RAB38: variants seen among roughly 807,000 people sequenced by gnomAD.
RAB38 encodes RAB38, member RAS oncogene family.
In RAB38, 15 loss-of-function variants were observed where a neutral mutation model predicts 18.4. The observed-to-expected ratio is 0.82, with a 90% CI of 0.55 to 1.26. RAB38 has a LOEUF of 1.26. Ranked by LOEUF, RAB38 falls within the 50% of genes most tolerant of loss-of-function variation. The pLI is 0.00. For missense variants in RAB38, 294 were observed against 267.4 expected (o/e 1.10, Z -0.69); for synonymous variants, 101 against 104.4 (o/e 0.97, Z 0.20).
chr11:87,911,311 A>T, the RAB38 span, among the ~76,000 whole-genome samples: 1 of 152,088 alleles, frequency 6.6e-6, no homozygotes, highest in Admixed American at 6.6e-5. Flanking sequence ...CAAGCTCTAT[A>T]AAAAGCCTAT....
At chr11:87,859,877 C>G in the RAB38 span, among the ~76,000 whole-genome samples, 5 of 152,026 alleles carry the variant, frequency 3.3e-5, no homozygotes. Flanking sequence ...TTGTAACAAG[C>G]TTACAGTCAG....
the RAB38 span, among the ~76,000 whole-genome samples, chr11:88,009,397 T>G: frequency 6.6e-6 from 1 of 152,160 alleles, no homozygotes; most frequent in Admixed American, 6.5e-5. Context: ...CAAAGGAAAA[T>G]ATCCCATCTA....
the RAB38 span, among the ~76,000 whole-genome samples, chr11:87,897,756 C>T: frequency 6.6e-5 from 10 of 151,622 alleles, no homozygotes; most frequent in Non-Finnish European, 1.3e-4. Context: ...GAATAGTTTC[C>T]TCTTCCACTT....
At chr11:87,918,197 A>C in the RAB38 span, among the ~76,000 whole-genome samples, 6,238 of 152,164 alleles carry the variant, frequency 0.041, 171 homozygotes, top group South Asian at 0.084. Context: ...GGGTTCATTC[A>C]TGTTGTCACA....
At chr11:87,830,683 T>G in the RAB38 span, among the ~76,000 whole-genome samples, 3 of 152,074 alleles carry the variant, frequency 2.0e-5, no homozygotes, top group Admixed American at 2.0e-4. Context: ...AGCATAAAAT[T>G]TAATATAGGA....
chr11:88,145,486 G>A lies in RAB38; in HGVS notation c.483+4189C>T, dbSNP rs1942973760. On this transcript the variant is annotated intron_variant, in intron 2 of 2. Transcript: ENST00000243662. ...TGTTCACAGTAGCTCTAGAAGGTGA[G>A]TGGGTGTGATTTTACAGAGTGAATT... Among the ~76,000 whole-genome samples the A allele has an allele frequency of 2.0e-5, 3 of 152,124 alleles. No homozygotes were observed. In the South Asian group the frequency reaches 6.2e-4, roughly 32 times the overall value.
At chr11:87,973,211 AGC>A in the RAB38 span, among the ~76,000 whole-genome samples, 1 of 152,118 alleles carries the variant, frequency 6.6e-6, no homozygotes, top group African/African-American at 2.4e-5. Context: ...TAAATAAACA[AGC>A]AAATGATCAT....
the RAB38 span, among the ~76,000 whole-genome samples, chr11:87,876,557 G>T: frequency 6.6e-6 from 1 of 151,554 alleles, no homozygotes; most frequent in Admixed American, 6.6e-5. Flanking sequence ...GGATTATGAA[G>T]ACAGGAGACT....
downstream of RAB38, among the ~76,000 whole-genome samples, chr11:88,112,646 T>C (rs1418116232): frequency 6.6e-6 from 1 of 152,002 alleles, no homozygotes; most frequent in Non-Finnish European, 1.5e-5. Flanking sequence ...TGGTGGCACA[T>C]GCCTGTAGTC....
At chr11:87,832,107 A>G in the RAB38 span, among the ~76,000 whole-genome samples, 1 of 152,188 alleles carries the variant, frequency 6.6e-6, no homozygotes, top group Non-Finnish European at 1.5e-5. Context: ...TTAAATGTTC[A>G]CTGCCTCATT....
the RAB38 span, among the ~76,000 whole-genome samples, chr11:87,950,773 T>C: frequency 2.6e-5 from 4 of 152,230 alleles, no homozygotes; most frequent in African/African-American, 9.6e-5. Context: ...TCTGATGGCC[T>C]TCCCTTTGTG....
intron 1 of RAB38, among the ~76,000 whole-genome samples, chr11:88,174,637 A>AAAAAAAAAAAAAC (rs1555014231): frequency 2.2e-5 from 3 of 133,668 alleles, no homozygotes; most frequent in Non-Finnish European, 3.2e-5. Flanking sequence ...AAAAAAAAAA[A>AAAAAAAAAAAAAC]AAAACAAAAC....
At chr11:87,910,705 A>G in the RAB38 span, among the ~76,000 whole-genome samples, 1 of 141,994 alleles carries the variant, frequency 7.0e-6, no homozygotes, top group Non-Finnish European at 1.5e-5. Context: ...CAGTGGCACT[A>G]TCTCGGCTTA....
the RAB38 span, among the ~76,000 whole-genome samples, chr11:87,952,151 T>C: frequency 6.6e-6 from 1 of 152,046 alleles, no homozygotes; most frequent in Non-Finnish European, 1.5e-5. Flanking sequence ...CAGGGATCCA[T>C]CGGGAGGGTG....
chr11:87,961,082 G>C, the RAB38 span, among the ~76,000 whole-genome samples: 1 of 152,112 alleles, frequency 6.6e-6, no homozygotes, highest in South Asian at 2.1e-4. Flanking sequence ...GTGCCTATTA[G>C]AATAAAATAA....
chr11:87,882,018 C>A, the RAB38 span, among the ~76,000 whole-genome samples: 2 of 151,814 alleles, frequency 1.3e-5, no homozygotes, highest in Non-Finnish European at 2.9e-5. Context: ...TAATCTCCCC[C>A]CTTTAGCACA....
chr11:88,175,225 C>T lies in RAB38; in HGVS notation c.160G>A (p.Asp54Asn), dbSNP rs774703815. The T allele has an allele frequency of 6.2e-7, 1 of 1,613,776 alleles. No homozygotes were observed. The part of the protein sequence containing the change: ...VDFALKVLHW[D>N]PETVVRLQLW... ...TGCAGGCGCACCACAGTCTCCGGGT[C>T]CCAGTGGAGCACCTTGAGCGCGAAG... Residue 54 changes from aspartate to asparagine, a missense_variant, in exon 1 of 3, where the codon GAC becomes AAC. Physicochemically the swap from Asp to Asn is conservative, Grantham distance 23 (BLOSUM62 1). Coordinates refer to ENST00000243662, the MANE Select transcript of RAB38 (RefSeq NM_022337.3).
the RAB38 span, among the ~76,000 whole-genome samples, chr11:88,088,500 G>A: frequency 1.3e-5 from 2 of 151,834 alleles, no homozygotes; most frequent in African/African-American, 4.8e-5. Flanking sequence ...AAGATTTTAT[G>A]AAGACTAAGT....
At position 88,149,875 on chromosome 11, in the gene RAB38, G is replaced by C. The variant is rs1472538322; in HGVS notation, c.283C>G (p.Pro95Ala). The change falls in exon 2 of 3, where the codon CCA (proline) becomes GCA (alanine). Residue 95 changes from proline (P) to alanine (A), a missense_variant. Physicochemically the swap from Pro to Ala is conservative, Grantham distance 27 (BLOSUM62 -1). Transcript: ENST00000243662. ...GAFIVFDVTR[P>A]ATFEAVAKWK... ...TTTGCCACTGCTTCAAATGTGGCTG[G>C]CCTGGTGACATCGAAGACAATAAAT... 3 of 1,613,842 alleles carry C rather than the reference G, an allele frequency of 1.9e-6. No homozygotes were observed. Among genetic ancestry groups the C allele is most frequent in the East Asian group, 2.2e-5 (1 of 44,878 alleles).
Sources: allele counts gnomAD v4.1 joint callset (sites outside exome capture counted in the v4.1 genomes callset), GRCh38; gene constraint gnomAD v4.1.1; transcripts MANE v1.5; gene names NCBI Gene and HGNC (gene_info 2026-07-23, HGNC 2026-07-21).